Variants in GABRB2 observed in about 807,000 individuals in gnomAD.
The protein encoded by GABRB2 is gamma-aminobutyric acid type A receptor subunit beta2, also known as gamma-aminobutyric acid receptor subunit beta-2.
In GABRB2, 16 loss-of-function variants were observed where a neutral mutation model predicts 54.7. That is an observed-to-expected ratio of 0.29 (90% CI 0.20 to 0.44). The LOEUF is 0.44. Ranked by LOEUF, GABRB2 falls within the 20% of genes least tolerant of loss-of-function variation. GABRB2 has a pLI of 1.00. For synonymous variants in GABRB2, 244 were observed against 233.8 expected, an observed-to-expected ratio of 1.04 and a Z score of -0.40; for missense variants, 355 against 644.0, an observed-to-expected ratio of 0.55 and a Z score of 4.86.
chr5:161,390,455 C>T (rs1755784719), intron 5 of GABRB2, among the ~76,000 whole-genome samples: 1 of 151,976 alleles, frequency 6.6e-6, no homozygotes, highest in Non-Finnish European at 1.5e-5. Context: ...CTAAATGCAA[C>T]ACCCTAGGTT....
chr5:161,404,482 C>A (rs1316507634), intron 5 of GABRB2, among the ~76,000 whole-genome samples: 1 of 152,040 alleles, frequency 6.6e-6, no homozygotes, highest in Non-Finnish European at 1.5e-5. Context: ...CTTTACACCC[C>A]CCTTTCACAC....
intron 4 of GABRB2, among the ~76,000 whole-genome samples, chr5:161,451,270 C>A (rs1292696705): frequency 1.3e-5 from 2 of 152,168 alleles, no homozygotes; most frequent in Non-Finnish European, 2.9e-5. Context: ...AGAATGTGAG[C>A]ATTTAATCAG....
intron 5 of GABRB2, among the ~76,000 whole-genome samples, chr5:161,364,222 G>A (rs1754911016): frequency 6.6e-6 from 1 of 151,958 alleles, no homozygotes; most frequent in Non-Finnish European, 1.5e-5. Flanking sequence ...ATCTATATAG[G>A]ACAATATATT....
chr5:161,352,534 C>T (rs1006160307), intron 5 of GABRB2, among the ~76,000 whole-genome samples: 2 of 151,910 alleles, frequency 1.3e-5, no homozygotes, highest in African/African-American at 2.4e-5. Context: ...AGTAGAATGA[C>T]GGTTACCACA....
intron 5 of GABRB2, among the ~76,000 whole-genome samples, chr5:161,390,438 A>C (rs1169492852): frequency 6.6e-6 from 1 of 152,050 alleles, no homozygotes; most frequent in Non-Finnish European, 1.5e-5. Context: ...CTAACTAGGC[A>C]TGATAACTAA....
At chr5:161,429,066 G>T (rs1038852624) in intron 4 of GABRB2, among the ~76,000 whole-genome samples, 4 of 151,436 alleles carry the variant, frequency 2.6e-5, no homozygotes, top group Non-Finnish European at 5.9e-5. Flanking sequence ...CCTGAAATTG[G>T]CCAGGCATGG....
At chr5:161,319,734 T>C (rs1432032340) in intron 9 of GABRB2, among the ~76,000 whole-genome samples, 1 of 151,832 alleles carries the variant, frequency 6.6e-6, no homozygotes, top group Non-Finnish European at 1.5e-5. Flanking sequence ...AGAGTTTAAA[T>C]ACCACTAGAG....
At chr5:161,461,202 G>A (rs1467680491) in intron 3 of GABRB2, among the ~76,000 whole-genome samples, 1 of 152,186 alleles carries the variant, frequency 6.6e-6, no homozygotes, top group Admixed American at 6.5e-5. Context: ...TGATCAAGGT[G>A]GGTTTTCCAG....
At chr5:161,447,305 C>T (rs368361423) in intron 4 of GABRB2, among the ~76,000 whole-genome samples, 1 of 152,156 alleles carries the variant, frequency 6.6e-6, no homozygotes, top group Non-Finnish European at 1.5e-5. Flanking sequence ...TGTCTGGCCT[C>T]ATTATGCAAT....
intron 5 of GABRB2, among the ~76,000 whole-genome samples, chr5:161,384,707 A>G (rs947883501): frequency 2.2e-4 from 34 of 152,166 alleles, no homozygotes; most frequent in African/African-American, 6.3e-4. Flanking sequence ...ACAACATAAG[A>G]GAGTTTTCTT....
At chr5:161,348,216 G>A (rs1010482659) in intron 5 of GABRB2, among the ~76,000 whole-genome samples, 2 of 151,920 alleles carry the variant, frequency 1.3e-5, no homozygotes, top group African/African-American at 4.8e-5. Context: ...TAATTACCAT[G>A]TTAGGAATTA....
chr5:161,299,224 T>G (rs1757467229), intron 9 of GABRB2, among the ~76,000 whole-genome samples: 1 of 152,222 alleles, frequency 6.6e-6, no homozygotes, highest in Admixed American at 6.5e-5. Context: ...CACCACGCAC[T>G]CCCATTTCTG....
At chr5:161,434,916 C>A (rs939195669) in intron 4 of GABRB2, among the ~76,000 whole-genome samples, 4 of 152,142 alleles carry the variant, frequency 2.6e-5, no homozygotes, top group Non-Finnish European at 5.9e-5. Flanking sequence ...GTGAAAAGTT[C>A]TCTCCATATT....
intron 4 of GABRB2, among the ~76,000 whole-genome samples, chr5:161,419,244 T>C (rs1163294915): frequency 6.6e-6 from 1 of 152,190 alleles, no homozygotes; most frequent in Admixed American, 6.5e-5. Context: ...AAATGCATGT[T>C]AAAACCATAA....
chr5:161,404,678 A>AG (rs1175881161), intron 5 of GABRB2, among the ~76,000 whole-genome samples: 4 of 152,164 alleles, frequency 2.6e-5, no homozygotes, highest in African/African-American at 9.7e-5. Flanking sequence ...AAAGATTGCT[A>AG]GCTAAACAAC....
In GABRB2 at chr5:161,368,116, GACACAC is replaced by G. The variant is rs11467721; in HGVS notation, c.542-31353_542-31348del. ...ATTTATAATCCAATTCTCCCTCTCT[GACACAC>G]ACACACACACACACACACACACACA... On this transcript the variant is annotated intron_variant, in intron 5 of 9. Coordinates refer to ENST00000393959, the MANE Select transcript of GABRB2 (RefSeq NM_001371727.1). Among the ~76,000 whole-genome samples, 140 of 145,008 alleles carry G rather than the reference GACACAC, an allele frequency of 9.7e-4. 1 individual carries two copies. The highest frequency in any genetic ancestry group is 2.2e-3 in the African/African-American group (85 of 39,482).
At chr5:161,299,378 T>C (rs533040729) in intron 9 of GABRB2, among the ~76,000 whole-genome samples, 15 of 152,278 alleles carry the variant, frequency 9.9e-5, no homozygotes, top group African/African-American at 3.6e-4. Context: ...AGTCTTCAGA[T>C]GGGAATAGCA....
At chr5:161,446,986 A>G (rs565044182) in intron 4 of GABRB2, among the ~76,000 whole-genome samples, 205 of 152,090 alleles carry the variant, frequency 1.3e-3, no homozygotes, top group Non-Finnish European at 2.4e-3. Flanking sequence ...AAAAAAAGTC[A>G]TCTCCCTCTT....
chr5:161,342,508 C>A (rs1053073855), intron 5 of GABRB2, among the ~76,000 whole-genome samples: 21 of 152,000 alleles, frequency 1.4e-4, no homozygotes, highest in Admixed American at 6.6e-5. Context: ...AGTCATAAAA[C>A]ATTTAAAACA....
Sources: allele counts gnomAD v4.1 joint callset (sites outside exome capture counted in the v4.1 genomes callset), GRCh38; gene constraint gnomAD v4.1.1; transcripts MANE v1.5; gene names NCBI Gene and HGNC (gene_info 2026-07-23, HGNC 2026-07-21).